Variants in VARS2 observed in about 807,000 individuals in gnomAD.
VARS2 encodes valyl-tRNA synthetase 2, mitochondrial.
VARS2 carries 105 observed loss-of-function variants against 154.1 expected under a neutral mutation model. That is an observed-to-expected ratio of 0.68 (90% CI 0.58 to 0.80). The LOEUF (loss-of-function observed/expected upper bound fraction) is 0.80. VARS2 is among the 30% of genes least tolerant of loss of function. The probability of loss-of-function intolerance (pLI) is 0.00; values close to 1 mark genes in which losing one functional copy is unlikely to be tolerated. For missense variants in VARS2, 1,157 were observed against 1,361.4 expected, an observed-to-expected ratio of 0.85 and a Z score of 2.36; for synonymous variants, 483 against 539.5, an observed-to-expected ratio of 0.90 and a Z score of 1.45.
rs1794218739 is a variant in VARS2 at position 30,917,023 on chromosome 6, G to C, written c.753+64G>C. 1.2e-6 allele frequency: 2 copies of C among 1,613,340 alleles called. No homozygotes were observed. Among genetic ancestry groups the C allele is most frequent in the Non-Finnish European group, 1.7e-6 (2 of 1,179,424 alleles). On this transcript the variant is annotated intron_variant, in intron 8 of 29. Transcript: ENST00000676266. This position sits in a 1 kb window ranked among gnomAD's most constrained non-coding sequence, Gnocchi z 4.4. ...GATGTTTAGGGATCTGTGTGGGGCA[G>C]GGAGGAAGCAATGCCTGGGTCCCTG...
At position 30,914,500 on chromosome 6, in the gene VARS2, C is replaced by T. The variant is rs1264305; in HGVS notation, c.-28+156C>T. 0.34 allele frequency: 446,930 copies of T among 1,329,760 alleles called. 77,967 individuals carry two copies. Among genetic ancestry groups the T allele is most frequent in the Non-Finnish European group, 0.36 (372,685 of 1,043,832 alleles). 82.4% of individuals were successfully genotyped at this position (1,329,760 alleles called of 1,614,324 possible). ...GATCGCCGCGGCCCTGGCGGGACTC[C>T]TTGCTGGCTCTTGGGCGCGCTGATG... On this transcript the variant is annotated intron_variant, in intron 1 of 29. Transcript: ENST00000676266.
rs1014849776 is a variant in VARS2 at position 30,917,363 on chromosome 6, C to T, written c.873+139C>T. On this transcript the variant is annotated intron_variant, in intron 9 of 29. Transcript: ENST00000676266. This position sits in a 1 kb window ranked among gnomAD's most constrained non-coding sequence, Gnocchi z 4.4. ...TTACAGCTGTGTGGCTTTTGGCAGGCCGTTTAGTCTCTTTAAGCCTCAGCT... is the reference window on the plus strand; with the variant it reads ...TTACAGCTGTGTGGCTTTTGGCAGGTCGTTTAGTCTCTTTAAGCCTCAGCT... 4 of 1,348,710 alleles carry T rather than the reference C, an allele frequency of 3.0e-6. No individual in the cohort carries two copies. Among genetic ancestry groups the T allele is most frequent in the African/African-American group, 2.9e-5 (2 of 69,532 alleles). 83.5% of individuals were successfully genotyped at this position (1,348,710 alleles called of 1,614,324 possible). A position where few individuals can be genotyped will look rare whatever the true frequency, so the allele number is the denominator to read the frequency against.
At chr6:30,915,905 G>C in intron 5 of VARS2, 38 bp downstream of exon 5, 1 of 1,614,024 alleles carries the variant, frequency 6.2e-7, no homozygotes, top group Non-Finnish European at 8.5e-7. Flanking sequence ...TTCTTGGAAG[G>C]GAAATAGGAA....
chr6:30,920,797 C>T lies in VARS2; in HGVS notation c.1479+48C>T. ...ACTGGGGCCAGGGGTTGGGGGAGCT[C>T]CCTGAGAATTGGAATGAAGAAATGG... On this transcript the variant is annotated intron_variant, in intron 15 of 29. Transcript: ENST00000676266. The surrounding 1 kb of genome is among the most constrained non-coding windows in gnomAD (Gnocchi z 4.6). The T allele has an allele frequency of 6.9e-7, 1 of 1,453,542 alleles. No homozygotes were observed. Among genetic ancestry groups the T allele is most frequent in the Non-Finnish European group, 9.2e-7 (1 of 1,083,054 alleles). The allele number at this position is 1,453,542 out of a possible 1,614,324, so 90.0% of individuals were successfully genotyped here.
At position 30,923,423 on chromosome 6, in the gene VARS2, G is replaced by A. The variant is rs541765907; in HGVS notation, c.2384G>A (p.Arg795Gln). Residue 795 changes from arginine to glutamine, a missense_variant, in exon 25 of 30, where the codon CGG becomes CAG. Coordinates refer to ENST00000676266, the MANE Select transcript of VARS2 (RefSeq NM_020442.6). ...GCCCTGGCTGCCCAGGAGTGTGAGC[G>A]GGGCTTCCTCACCCGAGAGCTCTCG... Reference protein sequence around the residue: ...RLALAAQECERGFLTRELSLV... With the variant: ...RLALAAQECEQGFLTRELSLV... The A allele has an allele frequency of 5.0e-6, 8 of 1,612,214 alleles. No homozygotes were observed. Among genetic ancestry groups the A allele is most frequent in the East Asian group, 4.5e-5 (2 of 44,878 alleles).
chr6:30,922,295 C>A, intron 20 of VARS2, 54 bp downstream of exon 20: 1 of 1,595,808 alleles, frequency 6.3e-7, no homozygotes, highest in Non-Finnish European at 8.5e-7. Context: ...TTCCCCAAAC[C>A]TTGTCCTCCC....
chr6:30,922,499 A>G lies in VARS2; in HGVS notation c.1982A>G (p.Lys661Arg), dbSNP rs1366504148. The G allele has an allele frequency of 1.9e-6, 3 of 1,596,864 alleles. No individual in the cohort carries two copies. The Admixed American group carries it at 5.2e-5, about 28-fold the overall frequency. ...GACAGGCAGGGCCGGAAGATGAGCAAGTCCCTGGGGAATGTGCTGGACCCA... is the reference window on the plus strand; with the variant it reads ...GACAGGCAGGGCCGGAAGATGAGCAGGTCCCTGGGGAATGTGCTGGACCCA... ...VRDRQGRKMS[K>R]SLGNVLDPRD... Residue 661 changes from lysine (K) to arginine (R), a missense_variant, in exon 21 of 30, where the codon AAG (lysine) becomes AGG (arginine). Lys to Arg is a conservative substitution (Grantham distance 26). Coordinates refer to ENST00000676266, the MANE Select transcript of VARS2 (RefSeq NM_020442.6).
At position 30,923,501 on chromosome 6, in the gene VARS2, A is replaced by G; in HGVS notation, c.2462A>G (p.Tyr821Cys). ...HFWLHNLCDV[Y>C]LEAVKPVLWH... ...TGGCTTCACAACCTCTGTGACGTCT[A>G]CCTGGTGAGTGAGGCTGGGGGAGGC... is the stretch of plus-strand genomic sequence containing the variant. The change falls in exon 25 of 30, where the codon TAC (tyrosine) becomes TGC (cysteine). Residue 821 changes from tyrosine (Y) to cysteine (C), a missense_variant. By Grantham distance (194) the Tyr-to-Cys change is radical. Transcript: ENST00000676266. The G allele has an allele frequency of 6.2e-7, 1 of 1,608,760 alleles. No individual in the cohort carries two copies. Among genetic ancestry groups the G allele is most frequent in the Non-Finnish European group, 8.5e-7 (1 of 1,178,036 alleles).
chr6:30,915,615 C>CCTCCTCTCCACT, intron 4 of VARS2, 131 bp from the exon 5 acceptor site: 1 of 1,504,870 alleles, frequency 6.6e-7, no homozygotes. Flanking sequence ...TGGCCAATTC[C>CCTCCTCTCCACT]CTCCTCTCCA....
chr6:30,916,221 C>G lies in VARS2; in HGVS notation c.643C>G (p.Leu215Val), dbSNP rs1442749446. ...RRHELSREAF[L>V]REVWQWKEAK... is the part of the protein sequence containing the mutation. ...ACATGAGCTGAGCCGGGAGGCCTTC[C>G]TTAGGGAGGTGTGGCAGTGGAAGGA... Residue 215 changes from leucine (L) to valine (V), a missense_variant, in exon 7 of 30, where the codon CTT (leucine) becomes GTT (valine). Transcript: ENST00000676266. This position sits in a 1 kb window ranked among gnomAD's most constrained non-coding sequence, Gnocchi z 4.0. 1 of 1,613,392 alleles carries G rather than the reference C, an allele frequency of 6.2e-7. No homozygotes were observed. The highest frequency in any genetic ancestry group is 8.5e-7 in the Non-Finnish European group (1 of 1,179,556).
chr6:30,926,149 C>G lies in VARS2; in HGVS notation c.3131C>G (p.Ala1044Gly). 6.2e-7 allele frequency: 1 copy of G among 1,613,142 alleles called. No homozygotes were observed. The highest frequency in any genetic ancestry group is 8.5e-7 in the Non-Finnish European group (1 of 1,180,032). Residue 1044 changes from alanine to glycine, a missense_variant, in exon 30 of 30, where the codon GCA (alanine) becomes GGA (glycine). Ala to Gly is a moderately conservative substitution (Grantham distance 60). Transcript: ENST00000676266. Reference sequence around the variant, plus strand: ...CTGGAATTGTCAAAACTGGACAAGGCAGCCTCTCACCTCCGGCAGCTGATG... The same window carrying G: ...CTGGAATTGTCAAAACTGGACAAGGGAGCCTCTCACCTCCGGCAGCTGATG... ...LQLELSKLDKAASHLRQLMDE... is the reference protein window; with the variant it reads ...LQLELSKLDKGASHLRQLMDE...
chr6:30,921,848 C>T lies in VARS2; in HGVS notation c.1736-77C>T, dbSNP rs1794533652. Reference sequence around the variant, plus strand: ...CTGGTCTCTGGGGGTGGGGGTTGGCCTAGAATGGTGGCAGCAGTGGTCTGA... The same window carrying T: ...CTGGTCTCTGGGGGTGGGGGTTGGCTTAGAATGGTGGCAGCAGTGGTCTGA... On this transcript the variant is annotated intron_variant, in intron 18 of 29. Coordinates refer to ENST00000676266, the MANE Select transcript of VARS2 (RefSeq NM_020442.6). The surrounding 1 kb of genome is among the most constrained non-coding windows in gnomAD (Gnocchi z 4.6). 1.3e-6 allele frequency: 2 copies of T among 1,596,012 alleles called. No homozygotes were observed. The highest frequency in any genetic ancestry group is 1.7e-6 in the Non-Finnish European group (2 of 1,166,120).
At chr6:30,925,415 C>A in intron 27 of VARS2, 30 bp downstream of exon 27, 1 of 1,591,818 alleles carries the variant, frequency 6.3e-7, no homozygotes, top group Admixed American at 1.7e-5. Flanking sequence ...GGGCTCGGAT[C>A]CCTGCAGGAA....
At position 30,923,469 on chromosome 6, in the gene VARS2, C is replaced by T. The variant is rs749951301; in HGVS notation, c.2430C>T (p.His810=). The change falls in exon 25 of 30, where the codon CAC becomes CAT. Residue 810 remains histidine, a synonymous_variant. Transcript: ENST00000676266. ...TCTCGCTCGTCACTCATGCCCTGCA[C>T]CACTTCTGGCTTCACAACCTCTGTG... ...RELSLVTHAL[H]HFWLHNLCDV... The T allele has an allele frequency of 6.2e-7, 1 of 1,612,100 alleles. No individual in the cohort carries two copies. The highest frequency in any genetic ancestry group is 8.5e-7 in the Non-Finnish European group (1 of 1,179,946).
chr6:30,922,921 C>T lies in VARS2; in HGVS notation c.2130C>T (p.Ile710=). 3.1e-6 allele frequency: 5 copies of T among 1,608,890 alleles called. No homozygotes were observed. The highest frequency in any genetic ancestry group is 4.2e-6 in the Non-Finnish European group (5 of 1,177,164). Residue 710 remains isoleucine, a synonymous_variant, in exon 23 of 30, where the codon ATC becomes ATT. Coordinates refer to ENST00000676266, the MANE Select transcript of VARS2 (RefSeq NM_020442.6). The part of the protein sequence containing the change: ...AAQKKDFPHG[I]PECGTDALRF... ...AGAAAAAGGACTTTCCTCACGGGATCCCTGAGTGTGGGACAGATGCCCTGA... is the reference window on the plus strand; with the variant it reads ...AGAAAAAGGACTTTCCTCACGGGATTCCTGAGTGTGGGACAGATGCCCTGA...
rs781520436 is a variant in VARS2 at position 30,921,654 on chromosome 6, G to A, written c.1698G>A (p.Leu566=). 1.2e-6 allele frequency: 2 copies of A among 1,608,882 alleles called. No homozygotes were observed. Among genetic ancestry groups the A allele is most frequent in the African/African-American group, 1.3e-5 (1 of 74,888 alleles). ...AGGCCAGAGAGGTAGCAGCGGAACT[G>A]ACAGGGAGGCCAGGGGCAGAGCTGA... ...EAEAREVAAE[L]TGRPGAELTL... is the part of the protein sequence containing the mutation. Residue 566 remains leucine, a synonymous_variant, in exon 18 of 30, where the codon CTG becomes CTA. Coordinates refer to ENST00000676266, the MANE Select transcript of VARS2 (RefSeq NM_020442.6). The surrounding 1 kb of genome is among the most constrained non-coding windows in gnomAD (Gnocchi z 4.6).
Position 30,917,907 on chromosome 6 carries a change from T to A in VARS2, c.985+101T>A, listed in dbSNP as rs1794278835. On this transcript the variant is annotated intron_variant, in intron 10 of 29. Coordinates refer to ENST00000676266, the MANE Select transcript of VARS2 (RefSeq NM_020442.6). The surrounding 1 kb of genome is among the most constrained non-coding windows in gnomAD (Gnocchi z 4.4). The stretch of plus-strand genomic sequence containing the variant: ...GGAACCCATCAGTCCATCTCTCACA[T>A]GTACCTTGGTAGTGTTCACCTCAGC... 1 of 1,242,386 alleles carries A rather than the reference T, an allele frequency of 8.0e-7. No homozygotes were observed. Among genetic ancestry groups the A allele is most frequent in the Non-Finnish European group, 1.1e-6 (1 of 874,368 alleles). 77.0% of individuals were successfully genotyped at this position (1,242,386 alleles called of 1,614,324 possible).
At chr6:30,918,238 T>G (rs9262291) in intron 10 of VARS2, among the ~76,000 whole-genome samples, 42,565 of 152,048 alleles carry the variant, frequency 0.28, 6,832 homozygotes, top group Middle Eastern at 0.38. Flanking sequence ...TGGCTAATTT[T>G]TGTATTTTTA....
At chr6:30,925,167 C>T (rs1441830172) in intron 26 of VARS2, 107 bp from the exon 27 acceptor site, 1 of 700,962 alleles carries the variant, frequency 1.4e-6, no homozygotes, top group Non-Finnish European at 2.4e-6. Context: ...GGACAGATCT[C>T]ATTGCCCTAA....
Sources: gnomAD v4.1 joint callset for allele counts (sites outside exome capture counted in the v4.1 genomes callset) on GRCh38, gnomAD v4.1.1 for gene constraint, Gnocchi (gnomAD v3.1) non-coding constraint, MANE v1.5 for transcripts, NCBI Gene and HGNC (gene_info 2026-07-23, HGNC 2026-07-21) for gene names.